CACNA2D3: variants seen among roughly 807,000 people sequenced by gnomAD.
CACNA2D3 encodes the protein calcium voltage-gated channel auxiliary subunit alpha2delta 3, also known as voltage-dependent calcium channel subunit alpha-2/delta-3.
In CACNA2D3, 60 loss-of-function variants were observed where a neutral mutation model predicts 160.6. That is an observed-to-expected ratio of 0.37 (90% CI 0.30 to 0.46). The LOEUF is 0.46. Among genes scored for constraint, CACNA2D3 ranks in the 20% least tolerant of loss-of-function variants. The pLI is 1.00. For synonymous variants in CACNA2D3, 558 were observed against 492.9 expected (o/e 1.13, Z -1.75); for missense variants, 1,205 against 1,365.0 (o/e 0.88, Z 1.85).
intron 11 of CACNA2D3, among the ~76,000 whole-genome samples, chr3:54,728,685 G>A (rs564692554): frequency 1.2e-3 from 184 of 152,238 alleles, no homozygotes; most frequent in African/African-American, 4.1e-3. Flanking sequence ...ATCCTGTGGC[G>A]GGCAAATAGA....
intron 4 of CACNA2D3, among the ~76,000 whole-genome samples, chr3:54,472,391 G>A (rs1418012685): frequency 6.6e-6 from 1 of 152,156 alleles, no homozygotes; most frequent in South Asian, 2.1e-4. Flanking sequence ...TTGATGGAAT[G>A]TATCTCAAAG....
At chr3:54,289,516 C>A (rs61573029) in intron 2 of CACNA2D3, among the ~76,000 whole-genome samples, 30,734 of 150,716 alleles carry the variant, frequency 0.2, 3,294 homozygotes, top group South Asian at 0.32. Context: ...CCATCCCCAT[C>A]AAGCTACCAA....
chr3:55,032,790 T>C (rs1703710156), intron 35 of CACNA2D3, among the ~76,000 whole-genome samples: 1 of 152,146 alleles, frequency 6.6e-6, no homozygotes, highest in Admixed American at 6.6e-5. Flanking sequence ...CTGGGAGGTC[T>C]TATATTTAAT....
intron 4 of CACNA2D3, among the ~76,000 whole-genome samples, chr3:54,444,630 C>A (rs1247527816): frequency 6.6e-6 from 1 of 152,084 alleles, no homozygotes; most frequent in Non-Finnish European, 1.5e-5. Context: ...GCATTAGGGC[C>A]ATATCATGTC....
chr3:54,480,911 A>ACAAT (rs1006309816), intron 4 of CACNA2D3, among the ~76,000 whole-genome samples: 3 of 152,216 alleles, frequency 2.0e-5, no homozygotes, highest in Admixed American at 6.5e-5. Flanking sequence ...GAAAAAGAAA[A>ACAAT]CAATCCATAG....
chr3:54,538,233 A>G (rs968181886), intron 5 of CACNA2D3, among the ~76,000 whole-genome samples: 1 of 152,154 alleles, frequency 6.6e-6, no homozygotes, highest in African/African-American at 2.4e-5. Flanking sequence ...ACTGAGAGCA[A>G]TATTTGGCAA....
intron 17 of CACNA2D3, among the ~76,000 whole-genome samples, chr3:54,859,726 A>G (rs1699244079): frequency 6.6e-6 from 1 of 152,062 alleles, no homozygotes; most frequent in Non-Finnish European, 1.5e-5. Context: ...ACCAGCTCCA[A>G]CCTGGTAGCC....
intron 11 of CACNA2D3, among the ~76,000 whole-genome samples, chr3:54,667,701 T>G (rs1031780357): frequency 6.6e-6 from 1 of 152,162 alleles, no homozygotes. Flanking sequence ...TCCTAGCATT[T>G]TGGGAAACTG....
At chr3:54,341,652 G>A (rs1698345503) in intron 3 of CACNA2D3, among the ~76,000 whole-genome samples, 1 of 152,188 alleles carries the variant, frequency 6.6e-6, no homozygotes, top group African/African-American at 2.4e-5. Context: ...AGGTTGCCAA[G>A]TGTCAGTAGC....
chr3:54,591,207 C>A (rs1702852145), intron 9 of CACNA2D3, among the ~76,000 whole-genome samples: 1 of 152,164 alleles, frequency 6.6e-6, no homozygotes, highest in Middle Eastern at 3.2e-3. Context: ...CACCAAATTC[C>A]TAGGGTGGAA....
chr3:54,751,654 A>G (rs1056552304), intron 11 of CACNA2D3, among the ~76,000 whole-genome samples: 1 of 152,136 alleles, frequency 6.6e-6, no homozygotes, highest in East Asian at 1.9e-4. Flanking sequence ...GGGAGGAGCA[A>G]TAGGAGCACT....
intron 4 of CACNA2D3, among the ~76,000 whole-genome samples, chr3:54,387,135 A>T (rs1193146116): frequency 6.6e-6 from 1 of 152,238 alleles, no homozygotes; most frequent in Non-Finnish European, 1.5e-5. Flanking sequence ...TTTGGAATGC[A>T]AGTGACTGAA....
chr3:55,025,495 G>A (rs1249965875), intron 35 of CACNA2D3, among the ~76,000 whole-genome samples: 1 of 151,962 alleles, frequency 6.6e-6, no homozygotes, highest in Non-Finnish European at 1.5e-5. Flanking sequence ...GGCCAGGCAG[G>A]GTGGTATGCG....
At chr3:54,512,465 A>G (rs1408754516) in intron 5 of CACNA2D3, among the ~76,000 whole-genome samples, 3 of 152,226 alleles carry the variant, frequency 2.0e-5, no homozygotes. Flanking sequence ...CGGGTCCCCC[A>G]CAGTGGCATG....
intron 4 of CACNA2D3, among the ~76,000 whole-genome samples, chr3:54,415,149 G>C (rs1699734622): frequency 6.6e-6 from 1 of 152,028 alleles, no homozygotes; most frequent in African/African-American, 2.4e-5. Context: ...ATAAAACTTA[G>C]TGTTTCTTTC....
chr3:54,872,198 C>T (rs1302870006), intron 18 of CACNA2D3, among the ~76,000 whole-genome samples: 4 of 152,306 alleles, frequency 2.6e-5, no homozygotes, highest in South Asian at 4.1e-4. Context: ...TTTTTCCCCA[C>T]GTAGATTCAG....
At chr3:54,386,061 A>G (rs1699182094) in intron 3 of CACNA2D3, 2 of 441,908 alleles carry the variant, frequency 4.5e-6, no homozygotes. Context: ...AATGGGTTTC[A>G]TAAGAATATT....
chr3:54,558,377 G>C (rs2106698652), intron 5 of CACNA2D3, among the ~76,000 whole-genome samples: 1 of 151,912 alleles, frequency 6.6e-6, no homozygotes, highest in South Asian at 2.1e-4. Context: ...CTGTTGATTT[G>C]TTTAACCTTC....
chr3:54,774,060 C>T (rs1349698207), intron 13 of CACNA2D3, among the ~76,000 whole-genome samples: 2 of 152,184 alleles, frequency 1.3e-5, no homozygotes, highest in African/African-American at 2.4e-5. Context: ...AACATGATGG[C>T]TTATTCAGCA....
Sources: allele counts gnomAD v4.1 joint callset (sites outside exome capture counted in the v4.1 genomes callset), GRCh38; gene constraint gnomAD v4.1.1; transcripts MANE v1.5; gene names NCBI Gene and HGNC (gene_info 2026-07-23, HGNC 2026-07-21).